POLQ: variants seen among roughly 807,000 people sequenced by gnomAD.
POLQ encodes epididymis secretory sperm binding protein.
Under a neutral mutation model 259.2 loss-of-function variants are expected in POLQ, and 233 were observed. The ratio of observed to expected loss-of-function variants is 0.90; its 90% CI spans 0.81 to 1.00. The LOEUF is 1.00. POLQ is among the 50% of genes least tolerant of loss of function. The pLI, the probability that POLQ is intolerant of heterozygous loss-of-function variation, is 0.00. For missense variants in POLQ, 2,871 were observed against 3,051.6 expected (o/e 0.94, Z 1.39); for synonymous variants, 1,025 against 1,048.8 (o/e 0.98, Z 0.44).
Position 121,533,209 on chromosome 3 carries a change from A to C in POLQ, c.741T>G (p.Cys247Trp). Reference sequence around the variant, plus strand: ...ACAGAGAACTGGCTAGATCTGCCTGACTGTAAAAAAACAAATGAAAAGAAC... The same window carrying C: ...ACAGAGAACTGGCTAGATCTGCCTGCCTGTAAAAAAACAAATGAAAAGAAC... Reference protein sequence around the residue: ...ICYITRKSASCQADLASSLSN... With the variant: ...ICYITRKSASWQADLASSLSN... The change falls in exon 6 of 30, where the codon TGT becomes TGG. Residue 247 changes from cysteine to tryptophan, a missense_variant and splice_region_variant. Physicochemically the swap from Cys to Trp is radical, Grantham distance 215. Transcript: ENST00000264233. 6.4e-7 allele frequency: 1 copy of C among 1,550,540 alleles called. No homozygotes were observed. The highest frequency in any genetic ancestry group is 8.7e-7 in the Non-Finnish European group (1 of 1,146,198).
rs190668879 is a variant in POLQ, at chr3:121,487,743, C to T, written c.5188G>A (p.Asp1730Asn). Residue 1730 changes from aspartate to asparagine, a missense_variant, in exon 16 of 30, where the codon GAT becomes AAT. Transcript: ENST00000264233. Reference protein sequence around the residue: ...LLPRKESNIVDDNGLIPPTPI... With the variant: ...LLPRKESNIVNDNGLIPPTPI... ...GTAGGAGGAATGAGACCATTATCAT[C>T]AACTATATTACTTTCTTTACGAGGT... The T allele has an allele frequency of 3.2e-5, 52 of 1,613,414 alleles. No individual in the cohort carries two copies. Among genetic ancestry groups the T allele is most frequent in the East Asian group, 2.5e-4 (11 of 44,864 alleles).
Position 121,541,346 on chromosome 3 carries a change from T to C in POLQ, c.474+3A>G, listed in dbSNP as rs780084280. 6.3e-7 allele frequency: 1 copy of C among 1,584,824 alleles called. No individual in the cohort carries two copies. The highest frequency in any genetic ancestry group is 8.6e-7 in the Non-Finnish European group (1 of 1,168,486). ...CTATTTCAAACTTAGTAAAAAACAT[T>C]ACCTGGAGGTAGTATTTCTTCTCTT... is the stretch of plus-strand genomic sequence containing the variant. On this transcript the variant is annotated splice_donor_region_variant and intron_variant, in intron 3 of 29. Transcript: ENST00000264233.
chr3:121,478,511 A>G (rs1271802909), intron 19 of POLQ, among the ~76,000 whole-genome samples: 1 of 151,780 alleles, frequency 6.6e-6, no homozygotes, highest in Non-Finnish European at 1.5e-5. Flanking sequence ...GAAAATAGAG[A>G]ACAAGTGTAT....
intron 6 of POLQ, among the ~76,000 whole-genome samples, chr3:121,532,462 A>G (rs537893559): frequency 6.6e-6 from 1 of 152,278 alleles, no homozygotes; most frequent in African/African-American, 2.4e-5. Context: ...ATTTATTTAA[A>G]TTAAAGGTAC....
intron 4 of POLQ, among the ~76,000 whole-genome samples, chr3:121,539,222 C>A (rs2048471718): frequency 6.6e-6 from 1 of 151,992 alleles, no homozygotes; most frequent in South Asian, 2.1e-4. Flanking sequence ...TTGTAAAGTA[C>A]AAAAATGCAA....
In POLQ at chr3:121,496,697, T is replaced by G. The variant is rs926136044; in HGVS notation, c.2278+111A>C. Reference sequence around the variant, plus strand: ...ATGATGACAAGAACTGTACAAAGTTTTAGCACTTTTAAAGAAGCCTACAAT... The same window carrying G: ...ATGATGACAAGAACTGTACAAAGTTGTAGCACTTTTAAAGAAGCCTACAAT... On this transcript the variant is annotated intron_variant, in intron 14 of 29. Transcript: ENST00000264233. The G allele has an allele frequency of 2.1e-5, 23 of 1,111,984 alleles. 1 individual carries two copies. In the South Asian group the frequency reaches 2.5e-4, roughly 12 times the overall value. The allele number at this position is 1,111,984 out of a possible 1,614,324, so 68.9% of individuals were successfully genotyped here. A position where few individuals can be genotyped will look rare whatever the true frequency, so the allele number is the denominator to read the frequency against.
At chr3:121,459,444 C>T (rs2108783787) in intron 25 of POLQ, among the ~76,000 whole-genome samples, 1 of 140,338 alleles carries the variant, frequency 7.1e-6, no homozygotes. Context: ...TGCAGTGGCG[C>T]TATCTCGGCT....
At chr3:121,501,360 A>G (rs1026966944) in intron 12 of POLQ, among the ~76,000 whole-genome samples, 8 of 151,518 alleles carry the variant, frequency 5.3e-5, no homozygotes, top group Non-Finnish European at 1.0e-4. Flanking sequence ...TAGCAAATCC[A>G]TTTTATAAGA....
intron 16 of POLQ, among the ~76,000 whole-genome samples, chr3:121,486,887 GAGAGAC>G (rs1232613710): frequency 1.1e-5 from 1 of 88,388 alleles, no homozygotes; most frequent in Admixed American, 1.2e-4. Context: ...AAGAAAGAAA[GAGAGAC>G]AGAGAGAGAG....
Position 121,487,473 on chromosome 3 carries a change from T to A in POLQ, c.5458A>T (p.Ser1820Cys). 1 of 1,614,098 alleles carries A rather than the reference T, an allele frequency of 6.2e-7. No homozygotes were observed. Among genetic ancestry groups the A allele is most frequent in the African/African-American group, 1.3e-5 (1 of 75,048 alleles). The change falls in exon 16 of 30, where the codon AGC becomes TGC. Residue 1820 changes from serine (S) to cysteine (C), a missense_variant. By Grantham distance (112) the Ser-to-Cys change is moderately radical. Around this residue, in one of 3 missense-constraint regions of POLQ, gnomAD observed 2,080 missense variants for 2,126.0 expected, o/e 0.98. Coordinates refer to ENST00000264233, the MANE Select transcript of POLQ (RefSeq NM_199420.4). ...ATTATGGACAAACTTTCTGAACTGC[T>A]TGAGGCTGGAGTTAACTGTAATCCA... ...QDGLQLTPASSSSESLSIIDV... is the reference protein window; with the variant it reads ...QDGLQLTPASCSSESLSIIDV...
At chr3:121,449,230 T>C in intron 26 of POLQ, 85 bp downstream of exon 26, 3 of 718,400 alleles carry the variant, frequency 4.2e-6, no homozygotes, top group Non-Finnish European at 7.2e-6. Context: ...AATTGATATT[T>C]CAAAAGAAAA....
chr3:121,437,839 T>G (rs986778931), intron 27 of POLQ, among the ~76,000 whole-genome samples: 2 of 152,196 alleles, frequency 1.3e-5, no homozygotes, highest in African/African-American at 4.8e-5. Flanking sequence ...CAGCTATTCC[T>G]ACAAGAAACA....
intron 24 of POLQ, 64 bp downstream of exon 24, chr3:121,467,455 T>G: frequency 6.5e-7 from 1 of 1,542,854 alleles, no homozygotes; most frequent in African/African-American, 1.4e-5. Context: ...ATTTCAGGCT[T>G]TATCCATGCT....
chr3:121,443,773 T>TA (rs2047612192), intron 26 of POLQ, among the ~76,000 whole-genome samples: 1 of 152,172 alleles, frequency 6.6e-6, no homozygotes. Context: ...TTTGTATATA[T>TA]AGAGAGATAG....
Position 121,489,271 on chromosome 3 carries a change from A to T in POLQ, c.3660T>A (p.Cys1220Ter). Residue 1220 changes from cysteine to a stop codon, truncating the protein, a stop_gained, in exon 16 of 30, where the codon TGT becomes TGA. Transcript: ENST00000264233. LOFTEE classifies it high-confidence loss of function. The stretch of plus-strand genomic sequence containing the variant: ...TATTTATGTAACTACTGACTGCTTC[A>T]CAGGGCATTTGTCTCTCTATTATAT... ...QKNIIERQMP[C>*]EAVSSYINRD... 1 of 1,613,748 alleles carries T rather than the reference A, an allele frequency of 6.2e-7. No individual in the cohort carries two copies. Among genetic ancestry groups the T allele is most frequent in the East Asian group, 2.2e-5 (1 of 44,868 alleles).
In POLQ at chr3:121,498,577, C is replaced by T. The variant is rs2048142946; in HGVS notation, c.2053G>A (p.Glu685Lys). ...KLPTSMKRVA[E>K]LVGVEEGFLA... is the part of the protein sequence containing the mutation. Reference sequence around the variant, plus strand: ...AACCCCTCTTCAACTCCCACTAGCTCTGCCACCCTTTTCATTGAAGTTGGC... The same window carrying T: ...AACCCCTCTTCAACTCCCACTAGCTTTGCCACCCTTTTCATTGAAGTTGGC... The change falls in exon 13 of 30, where the codon GAG becomes AAG. Residue 685 changes from glutamate to lysine, a missense_variant. Around this residue, in one of 3 missense-constraint regions of POLQ, gnomAD observed 783 missense variants for 906.2 expected, o/e 0.86. Coordinates refer to ENST00000264233, the MANE Select transcript of POLQ (RefSeq NM_199420.4). 2.5e-6 allele frequency: 4 copies of T among 1,614,068 alleles called. No individual in the cohort carries two copies. The highest frequency in any genetic ancestry group is 3.4e-6 in the Non-Finnish European group (4 of 1,179,892).
chr3:121,442,554 T>C (rs1367404219), intron 26 of POLQ, among the ~76,000 whole-genome samples: 2 of 152,226 alleles, frequency 1.3e-5, no homozygotes, highest in Non-Finnish European at 1.5e-5. Flanking sequence ...TTTGTCTTTC[T>C]GTGCCTGGCT....
chr3:121,473,487 C>A lies in POLQ; in HGVS notation c.6406G>T (p.Val2136Phe). Residue 2136 changes from valine to phenylalanine, a missense_variant and splice_region_variant, in exon 21 of 30, where the codon GTT becomes TTT. Physicochemically the swap from Val to Phe is conservative, Grantham distance 50. Around this residue, in one of 3 missense-constraint regions of POLQ, gnomAD observed 2,080 missense variants for 2,126.0 expected, o/e 0.98. Coordinates refer to ENST00000264233, the MANE Select transcript of POLQ (RefSeq NM_199420.4). ...GGCAACTTCAATTCCAAAAATAAAA[C>A]CTGCAAGAAATTAATGTCTCTTTAG... ...SFTSSDDIAE[V>F]LFLELKLPPN... 1 of 1,609,496 alleles carries A rather than the reference C, an allele frequency of 6.2e-7. No individual in the cohort carries two copies. The highest frequency in any genetic ancestry group is 8.5e-7 in the Non-Finnish European group (1 of 1,177,848).
intron 28 of POLQ, among the ~76,000 whole-genome samples, chr3:121,435,792 C>T (rs1387812222): frequency 3.9e-5 from 6 of 152,096 alleles, no homozygotes; most frequent in Non-Finnish European, 8.8e-5. Flanking sequence ...TAAAATAAAG[C>T]CACCTATCAA....
Sources: allele counts gnomAD v4.1 joint callset (sites outside exome capture counted in the v4.1 genomes callset), GRCh38; gene constraint gnomAD v4.1.1; regional missense constraint gnomAD v4.1.1; transcripts MANE v1.5; gene names NCBI Gene and HGNC (gene_info 2026-07-23, HGNC 2026-07-21).